Variants in FMN1 observed in about 807,000 individuals in gnomAD.
The protein encoded by FMN1 is formin 1, also known as formin-1.
In FMN1, 110 loss-of-function variants were observed where a neutral mutation model predicts 132.4. That is an observed-to-expected ratio of 0.83 (90% CI 0.71 to 0.97). The LOEUF (loss-of-function observed/expected upper bound fraction) is 0.97. Among genes scored for constraint, FMN1 ranks in the 50% least tolerant of loss-of-function variants. FMN1 has a pLI of 0.00. For synonymous variants in FMN1, 722 were observed against 651.7 expected (o/e 1.11, Z -1.64); for missense variants, 1,792 against 1,705.3 (o/e 1.05, Z -0.90).
At chr15:33,181,686 C>CTTTTCT (rs1467765774) in intron 2 of FMN1, among the ~76,000 whole-genome samples, 3 of 147,566 alleles carry the variant, frequency 2.0e-5, no homozygotes, top group African/African-American at 7.5e-5. Flanking sequence ...TGATTATATT[C>CTTTTCT]TTTTCTTTTC....
chr15:32,869,281 C>T lies in FMN1; in HGVS notation c.3836-12174G>A, dbSNP rs76173316. Among the ~76,000 whole-genome samples, 38 of 149,846 alleles carry T rather than the reference C, an allele frequency of 2.5e-4. No homozygotes were observed. In the East Asian group the frequency reaches 7.3e-3, roughly 29 times the overall value. ...AAAGCTTCTGGGCCCCAAAGGTATC[C>T]CAGGTTACACACTCAGGTGAACGGT... On this transcript the variant is annotated intron_variant, in intron 16 of 20. Transcript: ENST00000616417.
intron 12 of FMN1, among the ~76,000 whole-genome samples, chr15:32,905,440 G>A (rs2060399917): frequency 6.6e-6 from 1 of 152,194 alleles, no homozygotes; most frequent in Non-Finnish European, 1.5e-5. Flanking sequence ...ACTGTGTATA[G>A]TGTTCTCACC....
intron 8 of FMN1, among the ~76,000 whole-genome samples, chr15:32,967,001 C>G (rs2031300684): frequency 6.6e-6 from 1 of 152,188 alleles, no homozygotes; most frequent in South Asian, 2.1e-4. Flanking sequence ...GCAGTCTTAA[C>G]ACATCATAGA....
chr15:33,074,671 G>C (rs895776722), intron 5 of FMN1, among the ~76,000 whole-genome samples: 2 of 152,132 alleles, frequency 1.3e-5, no homozygotes, highest in Admixed American at 1.3e-4. Context: ...AGACAGCAGT[G>C]GGTATGTAAT....
chr15:32,775,120 G>A (rs1469311428), intron 20 of FMN1, among the ~76,000 whole-genome samples: 1 of 152,202 alleles, frequency 6.6e-6, no homozygotes, highest in Non-Finnish European at 1.5e-5. Flanking sequence ...CAGATGCAGA[G>A]AGAAGCCTTT....
intron 6 of FMN1, among the ~76,000 whole-genome samples, chr15:33,044,563 A>AG (rs1322474484): frequency 6.6e-6 from 1 of 152,188 alleles, no homozygotes; most frequent in African/African-American, 2.4e-5. Context: ...AGAAGATGAC[A>AG]GGATGACCTG....
intron 10 of FMN1, among the ~76,000 whole-genome samples, chr15:32,915,420 A>G (rs994043853): frequency 2.6e-5 from 4 of 152,262 alleles, no homozygotes; most frequent in Non-Finnish European, 4.4e-5. Flanking sequence ...ATTTGTAATC[A>G]TAATGATCAC....
At chr15:32,995,069 T>C (rs557918899) in intron 7 of FMN1, among the ~76,000 whole-genome samples, 1 of 152,172 alleles carries the variant, frequency 6.6e-6, no homozygotes, top group African/African-American at 2.4e-5. Context: ...CCTAAAGTAA[T>C]TGTAAAATAC....
Position 32,768,890 on chromosome 15 carries a change from C to T in FMN1, c.*5420G>A, listed in dbSNP as rs999412575. 1 of 152,196 alleles carries T rather than the reference C, an allele frequency of 6.6e-6. No homozygotes were observed. The highest frequency in any genetic ancestry group is 1.5e-5 in the Non-Finnish European group (1 of 68,032). 9.4% of individuals were successfully genotyped at this position (152,196 alleles called of 1,614,324 possible). ...ATGGAATAAAAGTCAATCTTCCCCA[C>T]ATCAAGAACTTCAGAGATGTAATAT... On this transcript the variant is annotated 3_prime_UTR_variant, in exon 21 of 21. Transcript: ENST00000616417.
intron 9 of FMN1, 47 bp from the exon 10 acceptor site, chr15:32,926,308 G>GC (rs2060959948): frequency 8.9e-7 from 1 of 1,121,902 alleles, no homozygotes; most frequent in Admixed American, 2.8e-5. Context: ...AAATGACCAT[G>GC]CAGTCTTTCA....
At chr15:32,926,998 G>A (rs2060978522) in intron 9 of FMN1, among the ~76,000 whole-genome samples, 1 of 151,858 alleles carries the variant, frequency 6.6e-6, no homozygotes, top group Non-Finnish European at 1.5e-5. Context: ...AAACTTCATT[G>A]CCCAGGCTGA....
intron 5 of FMN1, among the ~76,000 whole-genome samples, chr15:33,084,904 A>T (rs345796): frequency 0.15 from 22,721 of 152,162 alleles, 2,235 homozygotes; most frequent in African/African-American, 0.29. Context: ...TACTAATGAG[A>T]GTCAGTGTAG....
rs1031062194 is a variant in FMN1 at position 32,769,720 on chromosome 15, G to C, written c.*4590C>G. 2 of 152,174 alleles carry C rather than the reference G, an allele frequency of 1.3e-5. No homozygotes were observed. The highest frequency in any genetic ancestry group is 4.8e-5 in the African/African-American group (2 of 41,438). 9.4% of individuals were successfully genotyped at this position (152,174 alleles called of 1,614,324 possible). A position where few individuals can be genotyped will look rare whatever the true frequency, so the allele number is the denominator to read the frequency against. ...TATCCACTCTTTTCAAATCCCATCA[G>C]CTTGGCCACACAGACTGGTTTCATC... On this transcript the variant is annotated 3_prime_UTR_variant, in exon 21 of 21. Coordinates refer to ENST00000616417, the MANE Select transcript of FMN1 (RefSeq NM_001277313.2).
At chr15:33,017,563 A>G (rs1000686196) in intron 6 of FMN1, among the ~76,000 whole-genome samples, 11 of 152,202 alleles carry the variant, frequency 7.2e-5, no homozygotes, top group South Asian at 2.1e-4. Context: ...CCTAATTTCT[A>G]TATCAGAAAA....
At chr15:33,033,036 TG>T (rs1266391332) in intron 6 of FMN1, among the ~76,000 whole-genome samples, 3 of 152,170 alleles carry the variant, frequency 2.0e-5, no homozygotes, top group Non-Finnish European at 2.9e-5. Flanking sequence ...CGTTTTCGTT[TG>T]TTTTTTGTTT....
At chr15:33,131,235 G>C (rs532556646) in intron 4 of FMN1, among the ~76,000 whole-genome samples, 1 of 150,928 alleles carries the variant, frequency 6.6e-6, no homozygotes, top group Non-Finnish European at 1.5e-5. Flanking sequence ...AGGCTGAGGC[G>C]GAAGAATCAC....
intron 7 of FMN1, among the ~76,000 whole-genome samples, chr15:32,996,670 CAG>C: frequency 6.6e-6 from 1 of 152,310 alleles, no homozygotes; most frequent in Middle Eastern, 3.4e-3. Context: ...CTCCAGGACA[CAG>C]AGGAAGCTAC....
intron 17 of FMN1, among the ~76,000 whole-genome samples, chr15:32,843,598 C>T (rs985714540): frequency 6.6e-6 from 1 of 152,168 alleles, no homozygotes; most frequent in Non-Finnish European, 1.5e-5. Flanking sequence ...TTATGCTCCC[C>T]TAGAATTACT....
At chr15:32,981,909 C>CT (rs905247412) in intron 7 of FMN1, among the ~76,000 whole-genome samples, 11 of 152,078 alleles carry the variant, frequency 7.2e-5, no homozygotes, top group Admixed American at 2.6e-4. Context: ...TAGACAGACC[C>CT]TTTCACAATT....
Sources: allele counts gnomAD v4.1 joint callset (sites outside exome capture counted in the v4.1 genomes callset), GRCh38; gene constraint gnomAD v4.1.1; transcripts MANE v1.5; gene names NCBI Gene and HGNC (gene_info 2026-07-23, HGNC 2026-07-21).